Variants in IL1RAPL1 observed in about 807,000 individuals in gnomAD.
The protein encoded by IL1RAPL1 is interleukin-1 receptor accessory protein-like 1.
Under a neutral mutation model 48.4 loss-of-function variants are expected in IL1RAPL1, and 3 were observed. The observed-to-expected ratio is 0.06, with a 90% CI of 0.03 to 0.16. IL1RAPL1 has a LOEUF of 0.16. IL1RAPL1 is among the 10% of genes least tolerant of loss of function. The probability of loss-of-function intolerance (pLI) is 1.00; values close to 1 mark genes in which losing one functional copy is unlikely to be tolerated. For missense variants in IL1RAPL1, 349 were observed against 530.6 expected, an observed-to-expected ratio of 0.66 and a Z score of 3.36; for synonymous variants, 185 against 187.7, an observed-to-expected ratio of 0.99 and a Z score of 0.12.
intron 2 of IL1RAPL1, among the ~76,000 whole-genome samples, chrX:28,850,312 G>A (rs1398644267): frequency 9.0e-6 from 1 of 111,281 alleles, no homozygotes; most frequent in Non-Finnish European, 1.9e-5. Flanking sequence ...ACACAACTGA[G>A]TACTGGGCTC....
rs1386765532 is a variant in IL1RAPL1, at chrX:29,334,067, G to C, written c.362+50850G>C. ...TCCCGGACTGGGCGGCTGGCCGGGC[G>C]GGGGGCTGACCGCCCCACCTCCCTC... On this transcript the variant is annotated intron_variant, in intron 3 of 10. Coordinates refer to ENST00000378993, the MANE Select transcript of IL1RAPL1 (RefSeq NM_014271.4). Among the ~76,000 whole-genome samples, 6 of 80,527 alleles carry C rather than the reference G, an allele frequency of 7.5e-5. No individual in the cohort carries two copies. In the East Asian group the frequency reaches 1.9e-3, roughly 25 times the overall value. The allele number at this position is 80,527 out of a possible 115,157, so 69.9% of individuals were successfully genotyped here. A position where few individuals can be genotyped will look rare whatever the true frequency, so the allele number is the denominator to read the frequency against.
At chrX:29,258,014 G>A (rs142623772) in intron 2 of IL1RAPL1, among the ~76,000 whole-genome samples, 24 of 111,099 alleles carry the variant, frequency 2.2e-4, no homozygotes, top group East Asian at 8.5e-4. Context: ...GGGTTTTCCC[G>A]GATCATTTGA....
At chrX:29,186,974 T>C (rs911103511) in intron 2 of IL1RAPL1, among the ~76,000 whole-genome samples, 1 of 108,889 alleles carries the variant, frequency 9.2e-6, no homozygotes, top group East Asian at 2.9e-4. Context: ...CCTGTTGGAG[T>C]TGGGGGGGAG....
chrX:28,868,888 G>T (rs1003608383), intron 2 of IL1RAPL1, among the ~76,000 whole-genome samples: 1 of 111,597 alleles, frequency 9.0e-6, no homozygotes, highest in African/African-American at 3.2e-5. Context: ...TGTATTGATC[G>T]TTGATTTTAT....
intron 5 of IL1RAPL1, among the ~76,000 whole-genome samples, chrX:29,618,530 A>AT (rs770968311): frequency 9.0e-6 from 1 of 111,315 alleles, no homozygotes; most frequent in Non-Finnish European, 1.9e-5. Flanking sequence ...GGGGAAAATC[A>AT]TTTTCCTTGC....
chrX:28,759,289 G>GT (rs765719462), intron 1 of IL1RAPL1, among the ~76,000 whole-genome samples: 54 of 110,402 alleles, frequency 4.9e-4, no homozygotes, highest in African/African-American at 1.7e-3. Flanking sequence ...ATAACGTGGA[G>GT]TTTTTTGGTT....
intron 5 of IL1RAPL1, among the ~76,000 whole-genome samples, chrX:29,667,973 T>C (rs770747162): frequency 9.0e-6 from 1 of 111,688 alleles, no homozygotes; most frequent in East Asian, 2.8e-4. Context: ...TGAAATGATG[T>C]GATCTAGGAT....
At chrX:28,901,294 A>G (rs762935157) in intron 2 of IL1RAPL1, among the ~76,000 whole-genome samples, 115 of 112,271 alleles carry the variant, frequency 1.0e-3, no homozygotes, top group Non-Finnish European at 1.7e-3. Context: ...ATAAAATTAA[A>G]TTTAACTCCC....
intron 2 of IL1RAPL1, among the ~76,000 whole-genome samples, chrX:29,202,370 C>G (rs761867146): frequency 8.1e-5 from 9 of 111,596 alleles, no homozygotes; most frequent in Non-Finnish European, 1.7e-4. Context: ...CAGATTCTGG[C>G]AAGGTTATGG....
chrX:28,636,770 A>G, intron 1 of IL1RAPL1, among the ~76,000 whole-genome samples: 1 of 111,922 alleles, frequency 8.9e-6, no homozygotes, highest in Non-Finnish European at 1.9e-5. Flanking sequence ...TGAGACATCA[A>G]TTTCAGAAGT....
At chrX:28,649,753 C>T (rs767246244) in intron 1 of IL1RAPL1, among the ~76,000 whole-genome samples, 1 of 112,318 alleles carries the variant, frequency 8.9e-6, no homozygotes, top group South Asian at 3.7e-4. Flanking sequence ...TGAGTCACTT[C>T]AGGGTGATGG....
chrX:29,340,155 C>G (rs1255882041), intron 3 of IL1RAPL1, among the ~76,000 whole-genome samples: 1 of 111,868 alleles, frequency 8.9e-6, no homozygotes, highest in African/African-American at 3.3e-5. Context: ...AATATATACT[C>G]AATTGTTTGT....
intron 5 of IL1RAPL1, among the ~76,000 whole-genome samples, chrX:29,425,014 C>G (rs1435988041): frequency 8.9e-6 from 1 of 111,744 alleles, no homozygotes; most frequent in Non-Finnish European, 1.9e-5. Context: ...GAGTTTAAGT[C>G]ACTTGATGAT....
At chrX:29,093,425 T>C (rs763408616) in intron 2 of IL1RAPL1, among the ~76,000 whole-genome samples, 4 of 111,325 alleles carry the variant, frequency 3.6e-5, no homozygotes, top group Admixed American at 9.6e-5. Flanking sequence ...AGGGGAAATC[T>C]GCCTCCATGA....
chrX:29,589,083 A>G (rs1324063184), intron 5 of IL1RAPL1, among the ~76,000 whole-genome samples: 3 of 111,739 alleles, frequency 2.7e-5, no homozygotes, highest in Non-Finnish European at 5.6e-5. Context: ...CAGAACCTGT[A>G]TTATAACAAG....
At chrX:29,315,964 AG>A (rs777606089) in intron 3 of IL1RAPL1, among the ~76,000 whole-genome samples, 100 of 111,883 alleles carry the variant, frequency 8.9e-4, no homozygotes, top group Non-Finnish European at 8.7e-4. Context: ...TTGTAACTAT[AG>A]GGGCAGGAGC....
chrX:29,137,909 A>G (rs911602844), intron 2 of IL1RAPL1, among the ~76,000 whole-genome samples: 2 of 112,567 alleles, frequency 1.8e-5, no homozygotes, highest in African/African-American at 6.4e-5. Flanking sequence ...AGATTTGACA[A>G]ACTTAATATA....
At position 28,595,912 on chromosome X, in the gene IL1RAPL1, T is replaced by C. The variant is rs368124101; in HGVS notation, c.-25+7865T>C. Reference sequence around the variant, plus strand: ...GTGCAGAGTAAATGCATTCAAGGGATCTCTAGGGGTTTTTGACTCTGCTGT... The same window carrying C: ...GTGCAGAGTAAATGCATTCAAGGGACCTCTAGGGGTTTTTGACTCTGCTGT... On this transcript the variant is annotated intron_variant, in intron 1 of 10. Coordinates refer to ENST00000378993, the MANE Select transcript of IL1RAPL1 (RefSeq NM_014271.4). Among the ~76,000 whole-genome samples the C allele has an allele frequency of 1.5e-4, 17 of 111,242 alleles. No homozygotes were observed. In the East Asian group the frequency reaches 4.9e-3, roughly 32 times the overall value.
At chrX:29,115,643 C>G (rs1928664237) in intron 2 of IL1RAPL1, among the ~76,000 whole-genome samples, 2 of 109,839 alleles carry the variant, frequency 1.8e-5, no homozygotes, top group African/African-American at 6.6e-5. Flanking sequence ...TATAAAAAGT[C>G]TATTGCTGGA....
Sources: gnomAD v4.1 joint callset for allele counts (sites outside exome capture counted in the v4.1 genomes callset) on GRCh38, gnomAD v4.1.1 for gene constraint, MANE v1.5 for transcripts, NCBI Gene and HGNC (gene_info 2026-07-23, HGNC 2026-07-21) for gene names.